The following CILP variants were observed in gnomAD, a reference collection of about 807,000 sequenced individuals.
The protein encoded by CILP is cartilage intermediate layer protein.
CILP carries 75 observed loss-of-function variants against 82.5 expected under a neutral mutation model. That is an observed-to-expected ratio of 0.91 (90% CI 0.75 to 1.10). CILP has a LOEUF of 1.10. Among genes scored for constraint, CILP ranks in the 50% least tolerant of loss-of-function variants. The pLI is 0.00. For synonymous variants in CILP, 530 were observed against 580.3 expected (o/e 0.91, Z 1.25); for missense variants, 1,479 against 1,530.8 (o/e 0.97, Z 0.56).
chr15:65,198,077 G>T lies in CILP; in HGVS notation c.2209C>A (p.Arg737Ser). Reference protein sequence around the residue: ...RTFLVGNLEIRERRLFNLDVP... With the variant: ...RTFLVGNLEISERRLFNLDVP... Reference sequence around the variant, plus strand: ...TCCAGGTTAAAGAGCCTCCTCTCACGAATCTCCAGGTTGCCCACCAGGAAG... The same window carrying T: ...TCCAGGTTAAAGAGCCTCCTCTCACTAATCTCCAGGTTGCCCACCAGGAAG... Residue 737 changes from arginine to serine, a missense_variant, in exon 9 of 9, where the codon CGT becomes AGT. Transcript: ENST00000261883. 6.2e-7 allele frequency: 1 copy of T among 1,614,192 alleles called. No homozygotes were observed. Among genetic ancestry groups the T allele is most frequent in the Non-Finnish European group, 8.5e-7 (1 of 1,180,028 alleles).
At chr15:65,208,494 C>T (rs1050776866) in intron 2 of CILP, among the ~76,000 whole-genome samples, 12 of 152,206 alleles carry the variant, frequency 7.9e-5, no homozygotes, top group African/African-American at 2.9e-4. Flanking sequence ...GTGCTAGCAA[C>T]TTCTTTTAGC....
In CILP at chr15:65,200,083, C is replaced by T. The variant is rs113652584; in HGVS notation, c.1187-984G>A. ...TTTATGGTGACCCTGGATTTAAATG[C>T]AAGTAGTTAACTTCTTGGTTTGTCT... On this transcript the variant is annotated intron_variant, in intron 8 of 8. Transcript: ENST00000261883. Among the ~76,000 whole-genome samples, 1,365 of 152,254 alleles carry T rather than the reference C, an allele frequency of 9.0e-3. 21 individuals carry two copies. Among genetic ancestry groups the T allele is most frequent in the African/African-American group, 0.031 (1,304 of 41,530 alleles).
chr15:65,209,895 T>A (rs1167256630), intron 1 of CILP, 34 bp from the exon 2 acceptor site: 7 of 670,410 alleles, frequency 1.0e-5, no homozygotes, highest in Non-Finnish European at 1.9e-5. Context: ...GGTTTCATAT[T>A]TCTGAATCAC....
intron 5 of CILP, among the ~76,000 whole-genome samples, 188 bp from the exon 6 acceptor site, chr15:65,204,770 G>A (rs751235546): frequency 3.9e-5 from 6 of 152,172 alleles, no homozygotes; most frequent in Non-Finnish European, 8.8e-5. Flanking sequence ...TGTAATCCCA[G>A]GACTTTGGGA....
At chr15:65,207,562 A>C (rs896151676) in intron 3 of CILP, 110 bp downstream of exon 3, 4 of 882,958 alleles carry the variant, frequency 4.5e-6, no homozygotes, top group Non-Finnish European at 7.3e-6. Context: ...AATGCTTGTA[A>C]AAGTGGGTTT....
rs747035407 is a variant in CILP at position 65,198,727 on chromosome 15, G to A, written c.1559C>T (p.Thr520Ile). The A allele has an allele frequency of 1.2e-6, 2 of 1,614,108 alleles. No individual in the cohort carries two copies. The highest frequency in any genetic ancestry group is 2.7e-5 in the African/African-American group (2 of 74,948). Residue 520 changes from threonine (T) to isoleucine (I), a missense_variant, in exon 9 of 9, where the codon ACT becomes ATT. Thr to Ile is a moderately conservative substitution (Grantham distance 89, BLOSUM62 -1). Coordinates refer to ENST00000261883, the MANE Select transcript of CILP (RefSeq NM_003613.4). ...VYMGNSRVSMTGYKGTFTLHV... is the reference protein window; with the variant it reads ...VYMGNSRVSMIGYKGTFTLHV... ...GAGGGTGAAAGTGCCCTTGTAGCCA[G>A]TCATGCTTACACGGCTGTTCCCCAT...
chr15:65,205,239 C>T lies in CILP; in HGVS notation c.604+48G>A, dbSNP rs750741155. ...ACCCTCTAACTCCCTCCTCATTCTT[C>T]AGCCTCACCCACCACACCCTGCCCA... On this transcript the variant is annotated intron_variant, in intron 5 of 8. Coordinates refer to ENST00000261883, the MANE Select transcript of CILP (RefSeq NM_003613.4). The T allele has an allele frequency of 5.3e-5, 82 of 1,538,004 alleles. 1 individual carries two copies. In the Middle Eastern group the frequency reaches 1.1e-3, roughly 20 times the overall value.
Position 65,203,353 on chromosome 15 carries a change from A to C in CILP, c.1028+9T>G, listed in dbSNP as rs765595407. 2.5e-6 allele frequency: 4 copies of C among 1,601,386 alleles called. No homozygotes were observed. Among genetic ancestry groups the C allele is most frequent in the African/African-American group, 2.7e-5 (2 of 74,656 alleles). On this transcript the variant is annotated intron_variant, in intron 7 of 8. Coordinates refer to ENST00000261883, the MANE Select transcript of CILP (RefSeq NM_003613.4). ...GAGAATTGGGCAGGGTAGCTAGCAG[A>C]ATACGCACCAAAAATACTTGTCTGG... is the stretch of plus-strand genomic sequence containing the variant.
rs1566998279 is a variant in CILP, at chr15:65,209,805, C to T, written c.-50G>A. 1 of 1,554,648 alleles carries T rather than the reference C, an allele frequency of 6.4e-7. No individual in the cohort carries two copies. Among genetic ancestry groups the T allele is most frequent in the Non-Finnish European group, 8.9e-7 (1 of 1,126,156 alleles). ...TGGCAAGAGGTAGATGTGGGTGCTT[C>T]ACAGAGTCACTGACTCTGGAATGCG... On this transcript the variant is annotated 5_prime_UTR_variant, in exon 2 of 9. Transcript: ENST00000261883.
chr15:65,210,655 G>A (rs912532640), intron 1 of CILP, among the ~76,000 whole-genome samples: 6 of 152,204 alleles, frequency 3.9e-5, no homozygotes, highest in South Asian at 4.1e-4. Flanking sequence ...AATCTGACTC[G>A]TTTCTGGGGA....
In CILP at chr15:65,196,113, T is replaced by C. The variant is rs1179143159; in HGVS notation, c.*618A>G. 1 of 152,270 alleles carries C rather than the reference T, an allele frequency of 6.6e-6. No individual in the cohort carries two copies. The highest frequency in any genetic ancestry group is 1.5e-5 in the Non-Finnish European group (1 of 68,056). The allele number at this position is 152,270 out of a possible 1,614,324, so 9.4% of individuals were successfully genotyped here. A position where few individuals can be genotyped will look rare whatever the true frequency, so the allele number is the denominator to read the frequency against. ...AAATGTACAAATACAGTTAGCAACC[T>C]GGTGTAATTGTGGATACCAGGAGAT... On this transcript the variant is annotated 3_prime_UTR_variant, in exon 9 of 9. Coordinates refer to ENST00000261883, the MANE Select transcript of CILP (RefSeq NM_003613.4).
Position 65,202,024 on chromosome 15 carries a change from T to C in CILP, c.1034A>G (p.His345Arg), listed in dbSNP as rs758378541. ...GGAAGGATCCAGCAATGTGTCATTA[T>C]GATACCTGCAAGGGATGGAGAGGTA... Reference protein sequence around the residue: ...KPRPDKYFWYHNDTLLDPSLY... With the variant: ...KPRPDKYFWYRNDTLLDPSLY... The change falls in exon 8 of 9, where the codon CAT becomes CGT. Residue 345 changes from histidine to arginine, a missense_variant. His to Arg is a conservative substitution (Grantham distance 29, BLOSUM62 0). Transcript: ENST00000261883. 3 of 1,580,852 alleles carry C rather than the reference T, an allele frequency of 1.9e-6. No homozygotes were observed. The highest frequency in any genetic ancestry group is 2.7e-5 in the African/African-American group (2 of 73,408).
At chr15:65,202,096 A>C in intron 7 of CILP, 67 bp from the exon 8 acceptor site, 1 of 1,343,416 alleles carries the variant, frequency 7.4e-7, no homozygotes, top group Non-Finnish European at 1.0e-6. Flanking sequence ...GAAAAGTGCC[A>C]GGAGCAGGCA....
At position 65,198,059 on chromosome 15, in the gene CILP, TAAAG is replaced by T. The variant is rs773447323; in HGVS notation, c.2223_2226del (p.Phe742ThrfsTer14). ...CGCCTGCTTTCAGGAACATCCAGGT[TAAAG>T]AGCCTCCTCTCACGAATCTCCAGGT... On this transcript the variant is annotated frameshift_variant, in exon 9 of 9. Coordinates refer to ENST00000261883, the MANE Select transcript of CILP (RefSeq NM_003613.4). LOFTEE classifies it high-confidence loss of function. 1 of 1,614,246 alleles carries T rather than the reference TAAAG, an allele frequency of 6.2e-7. No individual in the cohort carries two copies. The highest frequency in any genetic ancestry group is 1.3e-5 in the African/African-American group (1 of 75,068).
intron 1 of CILP, among the ~76,000 whole-genome samples, chr15:65,210,588 C>T (rs1414729114): frequency 6.6e-6 from 1 of 152,172 alleles, no homozygotes; most frequent in Non-Finnish European, 1.5e-5. Context: ...CGTGCGTGGC[C>T]CAGGCCGCAG....
At chr15:65,209,631 G>T in intron 2 of CILP, 64 bp downstream of exon 2, 1 of 1,528,066 alleles carries the variant, frequency 6.5e-7, no homozygotes, top group South Asian at 1.1e-5. Flanking sequence ...TTCAGTCCCA[G>T]ACCAGACACA....
At position 65,205,474 on chromosome 15, in the gene CILP, G is replaced by A. The variant is rs754626331; in HGVS notation, c.425-8C>T. On this transcript the variant is annotated splice_polypyrimidine_tract_variant and splice_region_variant and intron_variant, in intron 4 of 8. Transcript: ENST00000261883. The stretch of plus-strand genomic sequence containing the variant: ...TGTCTCGGCGCAGGGATCCTGCAAA[G>A]TGAGATCAGCAGACGGTCTGATTTC... The A allele has an allele frequency of 5.0e-6, 8 of 1,594,088 alleles. No individual in the cohort carries two copies. Among genetic ancestry groups the A allele is most frequent in the African/African-American group, 2.7e-5 (2 of 74,610 alleles).
chr15:65,201,990 C>A lies in CILP; in HGVS notation c.1068G>T (p.Lys356Asn). The A allele has an allele frequency of 6.2e-7, 1 of 1,601,662 alleles. No individual in the cohort carries two copies. Among genetic ancestry groups the A allele is most frequent in the South Asian group, 1.1e-5 (1 of 88,870 alleles). Residue 356 changes from lysine (K) to asparagine (N), a missense_variant, in exon 8 of 9, where the codon AAG becomes AAT. Transcript: ENST00000261883. ...NDTLLDPSLY[K>N]HESKLVLRKL... is the part of the protein sequence containing the mutation. ...TCCTCAGCACCAGCTTGCTCTCATG[C>A]TTGTAGAGGGAAGGATCCAGCAATG...
At chr15:65,210,488 G>A (rs1035729879) in intron 1 of CILP, among the ~76,000 whole-genome samples, 2 of 152,216 alleles carry the variant, frequency 1.3e-5, no homozygotes, top group East Asian at 3.9e-4. Context: ...TGAGAGGCCA[G>A]GGCTCCCCAG....
Sources: allele counts gnomAD v4.1 joint callset (sites outside exome capture counted in the v4.1 genomes callset), GRCh38; gene constraint gnomAD v4.1.1; transcripts MANE v1.5; gene names NCBI Gene and HGNC (gene_info 2026-07-23, HGNC 2026-07-21).